LMF1: variants seen among roughly 807,000 people sequenced by gnomAD.
LMF1 encodes the protein lipase maturation factor 1.
LMF1 carries 68 observed loss-of-function variants against 60.6 expected under a neutral mutation model. The observed-to-expected ratio is 1.12, with a 90% confidence interval of 0.92 to 1.37. The LOEUF (loss-of-function observed/expected upper bound fraction) is 1.37, where lower values mean the gene tolerates loss of function less well. Ranked by LOEUF, LMF1 falls within the 40% of genes most tolerant of loss-of-function variation. The pLI is 0.00. For missense variants in LMF1, 948 were observed against 767.2 expected (o/e 1.24, Z -2.78); for synonymous variants, 418 against 324.7 (o/e 1.29, Z -3.09).
At chr16:889,243 T>G (rs938922420) in intron 5 of LMF1, among the ~76,000 whole-genome samples, 1 of 152,220 alleles carries the variant, frequency 6.6e-6, no homozygotes, top group African/African-American at 2.4e-5. Context: ...GCCCCTTCTC[T>G]TGGAACTTGG....
intron 2 of LMF1, among the ~76,000 whole-genome samples, chr16:939,817 AG>A (rs1276538194): frequency 6.6e-6 from 1 of 152,268 alleles, no homozygotes; most frequent in African/African-American, 2.4e-5. Context: ...GGAATAAAAC[AG>A]GGTGCGCAGT....
chr16:916,918 T>C (rs774062447), intron 3 of LMF1, among the ~76,000 whole-genome samples: 3 of 152,196 alleles, frequency 2.0e-5, no homozygotes, highest in Non-Finnish European at 4.4e-5. Flanking sequence ...GTTATGGCCA[T>C]TGCTCTGCAC....
Position 893,877 on chromosome 16 carries a change from T to C in LMF1, c.664-805A>G, listed in dbSNP as rs189644441. Among the ~76,000 whole-genome samples, 486 of 152,194 alleles carry C rather than the reference T, an allele frequency of 3.2e-3. 6 individuals are homozygous for C. Among genetic ancestry groups the C allele is most frequent in the Admixed American group, 5.4e-3 (83 of 15,298 alleles). Reference sequence around the variant, plus strand: ...ACATCCAGCGTCTCTCACACACTGGTGCATGGGAGGTGAAACTGCACAGAT... The same window carrying C: ...ACATCCAGCGTCTCTCACACACTGGCGCATGGGAGGTGAAACTGCACAGAT... On this transcript the variant is annotated intron_variant, in intron 4 of 10. Transcript: ENST00000262301.
intron 6 of LMF1, 130 bp from the exon 7 acceptor site, chr16:871,471 GCCCAGCATCACAACTGAAA>G: frequency 2.1e-6 from 2 of 941,682 alleles, no homozygotes; most frequent in Non-Finnish European, 3.2e-6. Context: ...TGTCCCTCGG[GCCCAGCATCACAACTGAAA>G]CCCAGCTGTG....
chr16:953,950 CCCACCCCAAACCA>C (rs1567311844), intron 2 of LMF1, among the ~76,000 whole-genome samples: 1,451 of 91,670 alleles, frequency 0.016, 137 homozygotes, highest in Middle Eastern at 0.035. Context: ...CACACAGACA[CCCACCCCAAACCA>C]GCCTCCTACA....
intron 10 of LMF1, among the ~76,000 whole-genome samples, chr16:865,160 T>C (rs2069578241): frequency 6.6e-6 from 1 of 152,218 alleles, no homozygotes; most frequent in Non-Finnish European, 1.5e-5. Flanking sequence ...AGTCTACTGA[T>C]GTCATTTTAC....
intron 5 of LMF1, among the ~76,000 whole-genome samples, chr16:885,767 A>C (rs2070289555): frequency 6.6e-6 from 1 of 152,242 alleles, no homozygotes; most frequent in South Asian, 2.1e-4. Flanking sequence ...AGAGAAATCC[A>C]TAATTATAGT....
intron 5 of LMF1, among the ~76,000 whole-genome samples, chr16:883,299 GC>G (rs373127531): frequency 6.6e-6 from 1 of 151,978 alleles, no homozygotes; most frequent in Non-Finnish European, 1.5e-5. Context: ...GCCCGGCAGA[GC>G]CTATCACAGG....
At chr16:907,995 G>A (rs765273378) in intron 4 of LMF1, among the ~76,000 whole-genome samples, 4 of 152,308 alleles carry the variant, frequency 2.6e-5, no homozygotes, top group South Asian at 2.1e-4. Flanking sequence ...GCATACAACC[G>A]CCTGGCGGCT....
intron 1 of LMF1, chr16:976,647 C>A (rs907277316): frequency 6.6e-6 from 3 of 453,962 alleles, no homozygotes; most frequent in African/African-American, 2.0e-5. Flanking sequence ...TGGCGCCCCC[C>A]ACCCCCACAC....
intron 10 of LMF1, among the ~76,000 whole-genome samples, chr16:868,741 G>T (rs1567149941): frequency 1.4e-5 from 2 of 146,518 alleles, no homozygotes; most frequent in Non-Finnish European, 3.0e-5. Context: ...TGAGGCAGGG[G>T]TGGGACCAGC....
chr16:919,182 G>A (rs1287587420), intron 3 of LMF1, among the ~76,000 whole-genome samples: 1 of 152,184 alleles, frequency 6.6e-6, no homozygotes, highest in South Asian at 2.1e-4. Context: ...CCTGACACTC[G>A]GCAGTCGGCG....
intron 5 of LMF1, chr16:884,988 G>GT (rs1567180833): frequency 6.6e-6 from 1 of 152,272 alleles, no homozygotes; most frequent in Non-Finnish European, 1.5e-5. Flanking sequence ...TCCGGAAATG[G>GT]TAAGTATATG....
rs113852319 is a variant in LMF1 at position 878,932 on chromosome 16, C to T, written c.897+638G>A. On this transcript the variant is annotated intron_variant, in intron 6 of 10. Transcript: ENST00000262301. The surrounding 1 kb of genome is among the most constrained non-coding windows in gnomAD (Gnocchi z 5.2). ...CACATTTTCCTTGGGAATTGACAGT[C>T]GGAATGTAGCGTTTACAGGGAAAAG... Among the ~76,000 whole-genome samples the T allele has an allele frequency of 2.6e-5, 4 of 152,302 alleles. No individual in the cohort carries two copies. The highest frequency in any genetic ancestry group is 1.9e-4 in the East Asian group (1 of 5,178).
At chr16:889,324 T>A (rs1327586570) in intron 5 of LMF1, among the ~76,000 whole-genome samples, 1 of 151,854 alleles carries the variant, frequency 6.6e-6, no homozygotes, top group Non-Finnish European at 1.5e-5. Context: ...TACCAGCAGA[T>A]GAAAAAAGCG....
intron 3 of LMF1, among the ~76,000 whole-genome samples, chr16:929,504 G>A (rs936441224): frequency 2.6e-5 from 4 of 152,228 alleles, no homozygotes; most frequent in Admixed American, 1.3e-4. Context: ...CCTGCCACCC[G>A]CTGCTGCGGG....
At chr16:875,718 G>A (rs1368893236) in intron 6 of LMF1, among the ~76,000 whole-genome samples, 1 of 152,110 alleles carries the variant, frequency 6.6e-6, no homozygotes, top group Non-Finnish European at 1.5e-5. Flanking sequence ...CCTGGGCTGT[G>A]TGTCCAGGGG....
At chr16:862,404 A>G (rs2069492284) in intron 10 of LMF1, among the ~76,000 whole-genome samples, 1 of 152,096 alleles carries the variant, frequency 6.6e-6, no homozygotes, top group Non-Finnish European at 1.5e-5. Context: ...TCGGCCTCCC[A>G]AAGTGTTGGG....
chr16:881,936 A>G (rs978660574), intron 5 of LMF1, among the ~76,000 whole-genome samples: 14 of 152,152 alleles, frequency 9.2e-5, no homozygotes, highest in Admixed American at 3.3e-4. Context: ...GGGGCTGCTT[A>G]TGCTTATCAG....
Sources: gnomAD v4.1 joint callset for allele counts (sites outside exome capture counted in the v4.1 genomes callset) on GRCh38, gnomAD v4.1.1 for gene constraint, Gnocchi (gnomAD v3.1) non-coding constraint, MANE v1.5 for transcripts, NCBI Gene and HGNC (gene_info 2026-07-23, HGNC 2026-07-21) for gene names.